HEMGN: variants seen among roughly 807,000 people sequenced by gnomAD.
HEMGN encodes the protein hemogen, also known as erythroid differentiation-associated gene protein.
In HEMGN, 32 loss-of-function variants were observed where a neutral mutation model predicts 45.7. The ratio of observed to expected loss-of-function variants is 0.70; its 90% confidence interval spans 0.53 to 0.94. The LOEUF (loss-of-function observed/expected upper bound fraction) is 0.94. HEMGN is among the 40% of genes least tolerant of loss of function. The probability of loss-of-function intolerance (pLI) is 0.00; values close to 1 mark genes in which losing one functional copy is unlikely to be tolerated. For synonymous variants in HEMGN, 183 were observed against 178.6 expected, an observed-to-expected ratio of 1.02 and a Z score of -0.20; for missense variants, 530 against 564.2, an observed-to-expected ratio of 0.94 and a Z score of 0.61.
upstream of HEMGN, among the ~76,000 whole-genome samples, chr9:97,942,287 T>G (rs1426073334): frequency 6.7e-6 from 1 of 148,772 alleles, no homozygotes; most frequent in Non-Finnish European, 1.5e-5. Flanking sequence ...TTTTTTTTTT[T>G]TTTTTTTGTT....
intron 2 of HEMGN, among the ~76,000 whole-genome samples, chr9:97,932,104 C>G (rs1826964507): frequency 6.6e-6 from 1 of 152,162 alleles, no homozygotes; most frequent in East Asian, 1.9e-4. Context: ...GACTACAGGA[C>G]TAAAATGCTC....
At chr9:97,929,962 G>A (rs1826909462) in intron 3 of HEMGN, 73 bp downstream of exon 3, 1 of 1,086,774 alleles carries the variant, frequency 9.2e-7, no homozygotes, top group Non-Finnish European at 1.4e-6. Context: ...GAATACCCAG[G>A]ATTGTCAGAG....
chr9:97,938,362 G>T, upstream of HEMGN: 1 of 480,664 alleles, frequency 2.1e-6, no homozygotes, highest in Non-Finnish European at 3.7e-6. Flanking sequence ...AATGGCTGGT[G>T]CTAGCAACCC....
chr9:97,931,696 C>G (rs972080275), intron 2 of HEMGN, among the ~76,000 whole-genome samples: 1 of 152,114 alleles, frequency 6.6e-6, no homozygotes, highest in African/African-American at 2.4e-5. Flanking sequence ...GTGCAGCCTG[C>G]AGGTGGATGC....
At chr9:97,941,127 G>A (rs561802931), upstream of HEMGN, among the ~76,000 whole-genome samples, 1 of 152,238 alleles carries the variant, frequency 6.6e-6, no homozygotes, top group African/African-American at 2.4e-5. Context: ...ACTGAGCTGG[G>A]CATAATAGGA....
chr9:97,942,274 C>CTTTT (rs56055830), upstream of HEMGN, among the ~76,000 whole-genome samples: 35 of 128,180 alleles, frequency 2.7e-4, no homozygotes, highest in African/African-American at 2.8e-4. Context: ...CTAATTCCTT[C>CTTTT]TTTTTTTTTT....
intron 1 of HEMGN, among the ~76,000 whole-genome samples, chr9:97,937,708 T>A (rs1200274883): frequency 6.6e-6 from 1 of 152,124 alleles, no homozygotes; most frequent in Non-Finnish European, 1.5e-5. Flanking sequence ...TAAAACAATG[T>A]CTTAAGGTAT....
chr9:97,927,267 A>G lies in HEMGN; in HGVS notation c.*117T>C, dbSNP rs1349087233. 9.7e-6 allele frequency: 6 copies of G among 618,498 alleles called. No homozygotes were observed. The highest frequency in any genetic ancestry group is 1.7e-5 in the Non-Finnish European group (6 of 350,118). The allele number at this position is 618,498 out of a possible 1,614,324, so 38.3% of individuals were successfully genotyped here. The stretch of plus-strand genomic sequence containing the variant: ...TTATTTCTTTCAGATATGGTCTACA[A>G]ATAGAAAAAATAATATTAATGAGCA... On this transcript the variant is annotated 3_prime_UTR_variant, in exon 4 of 4. Transcript: ENST00000616898.
intron 1 of HEMGN, among the ~76,000 whole-genome samples, chr9:97,943,651 TC>T (rs1827182644): frequency 6.6e-6 from 1 of 152,204 alleles, no homozygotes; most frequent in African/African-American, 2.4e-5. Context: ...TGGTCATTTA[TC>T]TGGGGAAGAG....
At chr9:97,932,064 G>C (rs1013927149) in intron 2 of HEMGN, among the ~76,000 whole-genome samples, 3 of 152,090 alleles carry the variant, frequency 2.0e-5, no homozygotes, top group Non-Finnish European at 4.4e-5. Flanking sequence ...TCTGTTTCAT[G>C]CTACCCGCTC....
chr9:97,932,171 T>G (rs190519559), intron 2 of HEMGN, among the ~76,000 whole-genome samples: 7 of 152,342 alleles, frequency 4.6e-5, no homozygotes, highest in African/African-American at 7.2e-5. Flanking sequence ...AGGCAAGGAA[T>G]GTAGGCTGCC....
Position 97,930,092 on chromosome 9 carries a change from C to A in HEMGN, c.1303G>T (p.Gly435Cys), listed in dbSNP as rs764334865. 1.2e-5 allele frequency: 20 copies of A among 1,614,022 alleles called. No homozygotes were observed. The highest frequency in any genetic ancestry group is 1.7e-5 in the Non-Finnish European group (20 of 1,179,988). ...EPHQETGGPQGQDPKAHQEDA... is the reference protein window; with the variant it reads ...EPHQETGGPQCQDPKAHQEDA... The stretch of plus-strand genomic sequence containing the variant: ...TCCTGGTGTGCTTTAGGATCCTGGC[C>A]TTGGGGCCCACCTGTTTCTTGGTGT... The change falls in exon 3 of 4, where the codon GGC (glycine) becomes TGC (cysteine). Residue 435 changes from glycine to cysteine, a missense_variant. Gly to Cys is a radical substitution (Grantham distance 159, BLOSUM62 -3). Coordinates refer to ENST00000616898, the MANE Select transcript of HEMGN (RefSeq NM_197978.3).
upstream of HEMGN, among the ~76,000 whole-genome samples, chr9:97,942,848 G>A (rs1168363506): frequency 6.6e-6 from 1 of 152,140 alleles, no homozygotes; most frequent in African/African-American, 2.4e-5. Flanking sequence ...ACAAGACGGG[G>A]TAAAAGTGCC....
chr9:97,930,551 C>T lies in HEMGN; in HGVS notation c.844G>A (p.Glu282Lys), dbSNP rs1253332974. The T allele has an allele frequency of 1.2e-6, 2 of 1,614,028 alleles. No individual in the cohort carries two copies. The highest frequency in any genetic ancestry group is 3.3e-5 in the Admixed American group (2 of 59,986). The change falls in exon 3 of 4, where the codon GAG becomes AAG. Residue 282 changes from glutamate (E) to lysine (K), a missense_variant. Physicochemically the swap from Glu to Lys is moderately conservative, Grantham distance 56 (BLOSUM62 1). Transcript: ENST00000616898. Reference sequence around the variant, plus strand: ...CCTTGATCTGTTTCATTGTATTCCTCTGGTTCTGCTGGATTTTGGTCTGTG... The same window carrying T: ...CCTTGATCTGTTTCATTGTATTCCTTTGGTTCTGCTGGATTTTGGTCTGTG... ...LDTDQNPAEP[E>K]EYNETDQGIA... is the part of the protein sequence containing the mutation.
intron 1 of HEMGN, 27 bp downstream of exon 1, chr9:97,938,031 A>C: frequency 7.0e-7 from 1 of 1,425,762 alleles, no homozygotes; most frequent in Non-Finnish European, 9.8e-7. Context: ...CTCAACAGCC[A>C]CCAGCTCTTA....
chr9:97,944,527 G>A (rs1195206497), intron 1 of HEMGN, among the ~76,000 whole-genome samples: 1 of 152,144 alleles, frequency 6.6e-6, no homozygotes, highest in Admixed American at 6.6e-5. Flanking sequence ...CTCCCTAAGT[G>A]GCTATCTGCT....
At chr9:97,932,375 T>C (rs1279785088) in intron 2 of HEMGN, among the ~76,000 whole-genome samples, 3 of 152,164 alleles carry the variant, frequency 2.0e-5, no homozygotes, top group Non-Finnish European at 2.9e-5. Context: ...TTTAAAAGAT[T>C]ACCTCACCAA....
intron 3 of HEMGN, 56 bp from the exon 4 acceptor site, chr9:97,927,534 A>T: frequency 8.4e-7 from 1 of 1,196,692 alleles, no homozygotes; most frequent in Non-Finnish European, 1.2e-6. Flanking sequence ...GGGACAATTG[A>T]CTCTCCATTT....
In HEMGN at chr9:97,930,084, A is replaced by G; in HGVS notation, c.1311T>C (p.Asp437=). ...TAGCATCTTCCTGGTGTGCTTTAGG[A>G]TCCTGGCCTTGGGGCCCACCTGTTT... ...HQETGGPQGQ[D]PKAHQEDAKD... Residue 437 remains aspartate (D), a synonymous_variant, in exon 3 of 4, where the codon GAT becomes GAC. Transcript: ENST00000616898. 6.2e-7 allele frequency: 1 copy of G among 1,613,966 alleles called. No individual in the cohort carries two copies. The highest frequency in any genetic ancestry group is 8.5e-7 in the Non-Finnish European group (1 of 1,179,960).
Sources: allele counts gnomAD v4.1 joint callset (sites outside exome capture counted in the v4.1 genomes callset), GRCh38; gene constraint gnomAD v4.1.1; transcripts MANE v1.5; gene names NCBI Gene and HGNC (gene_info 2026-07-23, HGNC 2026-07-21).